The following ITPRID2 variants were observed in gnomAD, a reference collection of about 807,000 sequenced individuals.
The protein encoded by ITPRID2 is protein ITPRID2.
In ITPRID2, 60 loss-of-function variants were observed where a neutral mutation model predicts 124.3. That is an observed-to-expected ratio of 0.48 (90% confidence interval 0.39 to 0.60). The LOEUF (loss-of-function observed/expected upper bound fraction) is 0.60, where lower values mean the gene tolerates loss of function less well. ITPRID2 is among the 20% of genes least tolerant of loss of function. The pLI is 0.00. For synonymous variants in ITPRID2, 521 were observed against 542.9 expected (o/e 0.96, Z 0.56); for missense variants, 1,553 against 1,512.2 (o/e 1.03, Z -0.45).
chr2:181,906,138 CG>C (rs1693092585), intron 8 of ITPRID2, among the ~76,000 whole-genome samples: 1 of 152,080 alleles, frequency 6.6e-6, no homozygotes, highest in Admixed American at 6.5e-5. Flanking sequence ...TAAACTAGTA[CG>C]GAAAGAGATA....
rs969186870 is a variant in ITPRID2 at position 181,905,981 on chromosome 2, T to C, written c.1413+3515T>C. ...CTCTAAAGCCCAATTAACCACTGTTTTGTTATTTGATATTTACCTAAAAGA... is the reference window on the plus strand; with the variant it reads ...CTCTAAAGCCCAATTAACCACTGTTCTGTTATTTGATATTTACCTAAAAGA... On this transcript the variant is annotated intron_variant, in intron 8 of 17. Coordinates refer to ENST00000431877, the MANE Select transcript of ITPRID2 (RefSeq NM_001130445.3). This position sits in a 1 kb window ranked among gnomAD's most constrained non-coding sequence, Gnocchi z 4.1. 2.0e-5 allele frequency among the ~76,000 whole-genome samples: 3 copies of C among 152,238 alleles called. No homozygotes were observed. Among genetic ancestry groups the C allele is most frequent in the Non-Finnish European group, 4.4e-5 (3 of 68,038 alleles).
Position 181,902,612 on chromosome 2 carries a change from C to G in ITPRID2, c.1413+146C>G. 1.6e-6 allele frequency: 1 copy of G among 632,868 alleles called. No homozygotes were observed. The highest frequency in any genetic ancestry group is 2.6e-6 in the Non-Finnish European group (1 of 387,978). The allele number at this position is 632,868 out of a possible 1,614,324, so 39.2% of individuals were successfully genotyped here. A position where few individuals can be genotyped will look rare whatever the true frequency, so the allele number is the denominator to read the frequency against. On this transcript the variant is annotated intron_variant, in intron 8 of 17. Coordinates refer to ENST00000431877, the MANE Select transcript of ITPRID2 (RefSeq NM_001130445.3). The surrounding 1 kb of genome is among the most constrained non-coding windows in gnomAD (Gnocchi z 4.4). ...ACTTTCCAGGTTTATGTTTCACAAA[C>G]CAAGAATTGGTCTCAGGATAATGTG...
At chr2:181,920,524 CATTATA>C (rs1694402080) in intron 14 of ITPRID2, 67 bp from the exon 15 acceptor site, 8 of 1,081,714 alleles carry the variant, frequency 7.4e-6, no homozygotes, top group South Asian at 3.3e-5. Context: ...TATATATGTA[CATTATA>C]ATTATATATG....
chr2:181,922,050 G>T lies in ITPRID2; in HGVS notation c.3313G>T (p.Val1105Phe). ...TCCTCCTGGAGAAAGCTCAGAATCT[G>T]TTTTTTCCCAAGCAACATCAGAATC... ...EIPPGESSES[V>F]FSQATSESSS... Residue 1105 changes from valine (V) to phenylalanine (F), a missense_variant, in exon 16 of 18, where the codon GTT becomes TTT. Transcript: ENST00000431877. The T allele has an allele frequency of 2.5e-6, 4 of 1,614,214 alleles. No homozygotes were observed. The highest frequency in any genetic ancestry group is 2.2e-5 in the East Asian group (1 of 44,886).
rs748153530 is a variant in ITPRID2 at position 181,901,834 on chromosome 2, T to C, written c.781T>C (p.Ser261Pro). 6.2e-7 allele frequency: 1 copy of C among 1,613,848 alleles called. No individual in the cohort carries two copies. Among genetic ancestry groups the C allele is most frequent in the Non-Finnish European group, 8.5e-7 (1 of 1,179,828 alleles). ...NAFSSLYSQV[S>P]GTPLQRIGSM... ...GTTTTCTTCTTTATATTCTCAAGTC[T>C]CCGGGACGCCCCTGCAGAGAATTGG... Residue 261 changes from serine (S) to proline (P), a missense_variant, in exon 8 of 18, where the codon TCC (serine) becomes CCC (proline). Coordinates refer to ENST00000431877, the MANE Select transcript of ITPRID2 (RefSeq NM_001130445.3).
At position 181,892,327 on chromosome 2, in the gene ITPRID2, G is replaced by A; in HGVS notation, c.211+50G>A. On this transcript the variant is annotated intron_variant, in intron 1 of 17. Transcript: ENST00000431877. The surrounding 1 kb of genome is among the most constrained non-coding windows in gnomAD (Gnocchi z 5.2). ...GGGGGAGGCTGGTGGGCTGGGGAGA[G>A]TCTCGTGCGCCCTGGGCGCCTGCCA... is the stretch of plus-strand genomic sequence containing the variant. 1 of 1,496,130 alleles carries A rather than the reference G, an allele frequency of 6.7e-7. No individual in the cohort carries two copies. Among genetic ancestry groups the A allele is most frequent in the Non-Finnish European group, 8.9e-7 (1 of 1,120,838 alleles). The allele number at this position is 1,496,130 out of a possible 1,614,324, so 92.7% of individuals were successfully genotyped here.
chr2:181,909,822 AATAG>A lies in ITPRID2; in HGVS notation c.1414-73_1414-70del. On this transcript the variant is annotated intron_variant, in intron 8 of 17. Transcript: ENST00000431877. ...GCACTTGAGTTAGGTTGATTTGTTT[AATAG>A]ATATTTATTCAAGAAGTTATACTTG... is the stretch of plus-strand genomic sequence containing the variant. 3.7e-6 allele frequency: 4 copies of A among 1,073,630 alleles called. No individual in the cohort carries two copies. The South Asian group carries it at 5.4e-5, about 15-fold the overall frequency. The allele number at this position is 1,073,630 out of a possible 1,614,324, so 66.5% of individuals were successfully genotyped here. A position where few individuals can be genotyped will look rare whatever the true frequency, so the allele number is the denominator to read the frequency against.
rs145520330 is a variant in ITPRID2 at position 181,915,757 on chromosome 2, C to T, written c.2117C>T (p.Ser706Phe). 4.2e-5 allele frequency: 68 copies of T among 1,614,062 alleles called. No homozygotes were observed. In the African/African-American group the frequency reaches 6.9e-4, roughly 16 times the overall value. The part of the protein sequence containing the change: ...QRAQMKVCSL[S>F]NQRMGRSLLK... ...GCTCAAATGAAGGTTTGCAGTCTGT[C>T]TAATCAAAGGATGGGGCGTAGCCTG... Residue 706 changes from serine (S) to phenylalanine (F), a missense_variant, in exon 11 of 18, where the codon TCT (serine) becomes TTT (phenylalanine). Physicochemically the swap from Ser to Phe is radical, Grantham distance 155. Coordinates refer to ENST00000431877, the MANE Select transcript of ITPRID2 (RefSeq NM_001130445.3).
chr2:181,896,821 G>T lies in ITPRID2; in HGVS notation c.308-87G>T. On this transcript the variant is annotated intron_variant, in intron 3 of 17. Coordinates refer to ENST00000431877, the MANE Select transcript of ITPRID2 (RefSeq NM_001130445.3). The surrounding 1 kb of genome is among the most constrained non-coding windows in gnomAD (Gnocchi z 4.3). ...AAGATTTTACTGTATAAGATATTTT[G>T]CTGGGTGAATTTAACTAAAACAGTG... 2 of 979,644 alleles carry T rather than the reference G, an allele frequency of 2.0e-6. No individual in the cohort carries two copies. Among genetic ancestry groups the T allele is most frequent in the Non-Finnish European group, 3.3e-6 (2 of 613,230 alleles). 60.7% of individuals were successfully genotyped at this position (979,644 alleles called of 1,614,324 possible).
intron 7 of ITPRID2, 60 bp downstream of exon 7, chr2:181,900,964 G>A (rs1692619097): frequency 7.5e-7 from 1 of 1,325,508 alleles, no homozygotes; most frequent in Non-Finnish European, 1.0e-6. Flanking sequence ...ACAGCAAGAT[G>A]GTCTTATTTT....
At position 181,914,064 on chromosome 2, in the gene ITPRID2, A is replaced by ATG; in HGVS notation, c.1575+133_1575+134dup. The ATG allele has an allele frequency of 8.5e-6, 5 of 586,948 alleles. No homozygotes were observed. In the South Asian group the frequency reaches 1.2e-4, roughly 14 times the overall value. The allele number at this position is 586,948 out of a possible 1,614,324, so 36.4% of individuals were successfully genotyped here. On this transcript the variant is annotated intron_variant, in intron 10 of 17. Transcript: ENST00000431877. ...CAAGTGACAGAACAAAACTCCTGGC[A>ATG]TGTAGATGTTATCTAAGCATTTGAC...
Position 181,892,338 on chromosome 2 carries a change from C to G in ITPRID2, c.211+61C>G. ...GTGGGCTGGGGAGAGTCTCGTGCGC[C>G]CTGGGCGCCTGCCACGAGTTCTGGG... On this transcript the variant is annotated intron_variant, in intron 1 of 17. Coordinates refer to ENST00000431877, the MANE Select transcript of ITPRID2 (RefSeq NM_001130445.3). This position sits in a 1 kb window ranked among gnomAD's most constrained non-coding sequence, Gnocchi z 5.2. 1.4e-6 allele frequency: 2 copies of G among 1,470,424 alleles called. No homozygotes were observed. Among genetic ancestry groups the G allele is most frequent in the Non-Finnish European group, 1.8e-6 (2 of 1,105,734 alleles). The allele number at this position is 1,470,424 out of a possible 1,614,324, so 91.1% of individuals were successfully genotyped here.
intron 8 of ITPRID2, among the ~76,000 whole-genome samples, chr2:181,903,747 T>C (rs1417499825): frequency 1.3e-5 from 2 of 152,210 alleles, no homozygotes; most frequent in Non-Finnish European, 2.9e-5. Context: ...TGGTATAATT[T>C]ATTTCTCATC....
At position 181,928,279 on chromosome 2, in the gene ITPRID2, G is replaced by T; in HGVS notation, c.*13+1G>T. On this transcript the variant is annotated splice_donor_variant, in intron 17 of 17. Coordinates refer to ENST00000431877, the MANE Select transcript of ITPRID2 (RefSeq NM_001130445.3). LOFTEE classifies it low-confidence loss of function (3UTR_SPLICE). ...GATTATCATTAAACAGAAATTATAG[G>T]TAAATTTTTCTGAGTTTCTTTGTTG... 2 of 1,499,152 alleles carry T rather than the reference G, an allele frequency of 1.3e-6. No homozygotes were observed. Among genetic ancestry groups the T allele is most frequent in the Non-Finnish European group, 1.8e-6 (2 of 1,114,644 alleles). The allele number at this position is 1,499,152 out of a possible 1,614,324, so 92.9% of individuals were successfully genotyped here.
chr2:181,900,494 A>G (rs948466674), intron 6 of ITPRID2, among the ~76,000 whole-genome samples: 1 of 152,182 alleles, frequency 6.6e-6, no homozygotes, highest in Non-Finnish European at 1.5e-5. Context: ...GCAACTTGAG[A>G]CAATGAACCC....
In ITPRID2 at chr2:181,912,556, C is replaced by T. The variant is rs144045232; in HGVS notation, c.1487-1289C>T. Among the ~76,000 whole-genome samples the T allele has an allele frequency of 9.9e-5, 15 of 152,062 alleles. No individual in the cohort carries two copies. In the South Asian group the frequency reaches 1.5e-3, roughly 15 times the overall value. ...GTCTATAGTGGGGTATTTTTCAAAC[C>T]AAGTTGACTTTAATAGATTTTAAAT... On this transcript the variant is annotated intron_variant, in intron 9 of 17. Transcript: ENST00000431877.
Position 181,916,249 on chromosome 2 carries a change from T to C in ITPRID2, c.2609T>C (p.Val870Ala). ...ACAAGAACTCTGAGCACTCACAGTG[T>C]TCCCAACATATCAGGGGCTACTTGT... ...EHTRTLSTHS[V>A]PNISGATCSA... The change falls in exon 11 of 18, where the codon GTT (valine) becomes GCT (alanine). Residue 870 changes from valine to alanine, a missense_variant. Coordinates refer to ENST00000431877, the MANE Select transcript of ITPRID2 (RefSeq NM_001130445.3). 1 of 1,614,174 alleles carries C rather than the reference T, an allele frequency of 6.2e-7. No homozygotes were observed. Among genetic ancestry groups the C allele is most frequent in the Non-Finnish European group, 8.5e-7 (1 of 1,180,028 alleles).
At chr2:181,923,360 AC>A (rs1694624172) in intron 16 of ITPRID2, among the ~76,000 whole-genome samples, 1 of 152,232 alleles carries the variant, frequency 6.6e-6, no homozygotes, top group South Asian at 2.1e-4. Flanking sequence ...GAATCAAATC[AC>A]ATTTTCAAAA....
Position 181,899,050 on chromosome 2 carries a change from T to C in ITPRID2, c.441T>C (p.Phe147=). Residue 147 remains phenylalanine (F), a synonymous_variant, in exon 6 of 18, where the codon TTT becomes TTC. Coordinates refer to ENST00000431877, the MANE Select transcript of ITPRID2 (RefSeq NM_001130445.3). ...NILAKERRLQ[F]HQKGRSMNST... ...TGGCCAAAGAGAGAAGATTACAGTTTCATCAGAAAGGGAGAAGTATGAATT... is the reference window on the plus strand; with the variant it reads ...TGGCCAAAGAGAGAAGATTACAGTTCCATCAGAAAGGGAGAAGTATGAATT... 1.2e-6 allele frequency: 2 copies of C among 1,612,026 alleles called. No homozygotes were observed. The highest frequency in any genetic ancestry group is 4.5e-5 in the East Asian group (2 of 44,816).
Sources: allele counts gnomAD v4.1 joint callset (sites outside exome capture counted in the v4.1 genomes callset), GRCh38; gene constraint gnomAD v4.1.1; non-coding constraint Gnocchi (gnomAD v3.1); transcripts MANE v1.5; gene names NCBI Gene and HGNC (gene_info 2026-07-23, HGNC 2026-07-21).